The following PHTF1 variants were observed in gnomAD, a reference collection of about 807,000 sequenced individuals.
PHTF1 encodes protein PHTF1.
A neutral mutation model predicts 102.4 loss-of-function variants in PHTF1; 88 were observed. The observed-to-expected ratio is 0.86, with a 90% confidence interval of 0.72 to 1.03. The LOEUF is 1.03. PHTF1 is among the 50% of genes least tolerant of loss of function. The pLI, the probability that PHTF1 is intolerant of heterozygous loss-of-function variation, is 0.00. For synonymous variants in PHTF1, 289 were observed against 305.2 expected (o/e 0.95, Z 0.55); for missense variants, 814 against 909.5 (o/e 0.89, Z 1.35).
At chr1:113,733,197 C>A (rs1028414906) in intron 5 of PHTF1, among the ~76,000 whole-genome samples, 1 of 151,460 alleles carries the variant, frequency 6.6e-6, no homozygotes, top group Middle Eastern at 3.4e-3. Context: ...CCACTGCCCC[C>A]CACCTAGATA....
chr1:113,744,167 C>A (rs151155248), intron 3 of PHTF1, among the ~76,000 whole-genome samples: 37 of 152,304 alleles, frequency 2.4e-4, no homozygotes, highest in African/African-American at 8.4e-4. Context: ...TCTGGAAATT[C>A]TCTGCAGATC....
chr1:113,715,648 CAAAAAAAAAAAAAAAAA>C lies in PHTF1; in HGVS notation c.624-2227_624-2211del, dbSNP rs60517410. On this transcript the variant is annotated intron_variant, in intron 7 of 18. Transcript: ENST00000369604. ...GAGCAATGACAGTGAAACCCTGTCT[CAAAAAAAAAAAAAAAAA>C]AAAAAAAAAAAAAAAGCTATTTTGA... is the stretch of plus-strand genomic sequence containing the variant. 9.2e-3 allele frequency among the ~76,000 whole-genome samples: 229 copies of C among 24,994 alleles called. 5 individuals are homozygous for C. Among genetic ancestry groups the C allele is most frequent in the African/African-American group, 0.023 (210 of 8,974 alleles). The allele number at this position is 24,994 out of a possible 152,430, so 16.4% of individuals were successfully genotyped here.
chr1:113,739,574 T>C (rs183537518), intron 3 of PHTF1, among the ~76,000 whole-genome samples: 2 of 152,384 alleles, frequency 1.3e-5, no homozygotes, highest in African/African-American at 4.8e-5. Flanking sequence ...ATCATTTCTT[T>C]GTGTTGGGTT....
intron 3 of PHTF1, among the ~76,000 whole-genome samples, chr1:113,747,596 T>C (rs758319089): frequency 6.6e-6 from 1 of 152,238 alleles, no homozygotes; most frequent in Non-Finnish European, 1.5e-5. Context: ...GGCTTATTCA[T>C]GGATTATAAT....
At chr1:113,754,154 T>C (rs1409828173) in intron 3 of PHTF1, among the ~76,000 whole-genome samples, 2 of 152,196 alleles carry the variant, frequency 1.3e-5, no homozygotes, top group Admixed American at 6.5e-5. Flanking sequence ...CTCATGCCTA[T>C]AATCTCGGCA....
At chr1:113,712,655 A>C (rs1651311456) in intron 8 of PHTF1, among the ~76,000 whole-genome samples, 1 of 152,222 alleles carries the variant, frequency 6.6e-6, no homozygotes, top group Admixed American at 6.5e-5. Flanking sequence ...TGTCTACTTA[A>C]ACCTACAAAA....
intron 3 of PHTF1, among the ~76,000 whole-genome samples, chr1:113,741,268 C>G (rs1380048415): frequency 6.6e-6 from 1 of 151,850 alleles, no homozygotes; most frequent in Admixed American, 6.6e-5. Flanking sequence ...GTAGATTTTA[C>G]AGAAAAATGT....
Position 113,698,539 on chromosome 1 carries a change from G to A in PHTF1, c.2143-152C>T, listed in dbSNP as rs994614900. 6 of 595,808 alleles carry A rather than the reference G, an allele frequency of 1.0e-5. No individual in the cohort carries two copies. In the African/African-American group the frequency reaches 1.2e-4, roughly 11 times the overall value. 36.9% of individuals were successfully genotyped at this position (595,808 alleles called of 1,614,324 possible). On this transcript the variant is annotated intron_variant, in intron 17 of 18. Coordinates refer to ENST00000369604, the MANE Select transcript of PHTF1 (RefSeq NM_001323043.2). ...GCTACCTTCAAAAAATCCATAACGT[G>A]TTCTCACCTACTTTTCTACTAACTA...
chr1:113,713,384 T>G lies in PHTF1; in HGVS notation c.678A>C (p.Pro226=), dbSNP rs1489787568. 3 of 1,599,378 alleles carry G rather than the reference T, an allele frequency of 1.9e-6. No individual in the cohort carries two copies. Among genetic ancestry groups the G allele is most frequent in the Non-Finnish European group, 1.7e-6 (2 of 1,166,630 alleles). ...TCTTAATGATAGGATGGACACAACTTGGGTCATTGTCAGTTTCAGTCCCTT... is the reference window on the plus strand; with the variant it reads ...TCTTAATGATAGGATGGACACAACTGGGGTCATTGTCAGTTTCAGTCCCTT... ...SNKGTETDND[P]SCVHPIIKRR... The change falls in exon 8 of 19, where the codon CCA becomes CCC. Residue 226 remains proline, a synonymous_variant. Coordinates refer to ENST00000369604, the MANE Select transcript of PHTF1 (RefSeq NM_001323043.2).
At chr1:113,758,543 A>C (rs1467112898) in intron 2 of PHTF1, 116 bp downstream of exon 2, 22 of 447,898 alleles carry the variant, frequency 4.9e-5, no homozygotes, top group South Asian at 1.2e-4. Flanking sequence ...TTTATGTTGA[A>C]GTATACATGA....
At chr1:113,713,539 A>T in intron 7 of PHTF1, 101 bp from the exon 8 acceptor site, 1 of 670,792 alleles carries the variant, frequency 1.5e-6, no homozygotes, top group East Asian at 2.8e-5. Flanking sequence ...CTGGAAATCA[A>T]GAAAATGCAG....
chr1:113,713,244 A>G (rs774352883), intron 8 of PHTF1, 35 bp downstream of exon 8: 16 of 1,581,618 alleles, frequency 1.0e-5, no homozygotes, highest in South Asian at 3.4e-5. Context: ...TTACATGGGG[A>G]AAAAAACCCC....
In PHTF1 at chr1:113,706,613, C is replaced by T. The variant is rs748469606; in HGVS notation, c.1379G>A (p.Ser460Asn). ...TCTTACCCTGCTCATGATGATGCCACTTATTTCCAACACAGACATATCCAT... is the reference window on the plus strand; with the variant it reads ...TCTTACCCTGCTCATGATGATGCCATTTATTTCCAACACAGACATATCCAT... ...KKMDMSVLEI[S>N]GIIMSRVNAY... Residue 460 changes from serine to asparagine, a missense_variant, in exon 12 of 19, where the codon AGT becomes AAT. Physicochemically the swap from Ser to Asn is conservative, Grantham distance 46. Transcript: ENST00000369604. 11 of 1,610,196 alleles carry T rather than the reference C, an allele frequency of 6.8e-6. No individual in the cohort carries two copies. Among genetic ancestry groups the T allele is most frequent in the Non-Finnish European group, 3.4e-6 (4 of 1,178,998 alleles).
chr1:113,758,322 A>G (rs2101756342), intron 2 of PHTF1, among the ~76,000 whole-genome samples: 1 of 152,054 alleles, frequency 6.6e-6, no homozygotes, highest in Non-Finnish European at 1.5e-5. Flanking sequence ...ACAGCTCAAT[A>G]AGATTGTTGA....
intron 5 of PHTF1, among the ~76,000 whole-genome samples, chr1:113,731,638 A>G (rs1462682435): frequency 6.6e-6 from 1 of 152,156 alleles, no homozygotes; most frequent in Non-Finnish European, 1.5e-5. Context: ...TCACACCTGT[A>G]ATCCCAGCAC....
chr1:113,754,711 T>C (rs1658586771), intron 3 of PHTF1, among the ~76,000 whole-genome samples: 1 of 152,198 alleles, frequency 6.6e-6, no homozygotes, highest in Admixed American at 6.5e-5. Flanking sequence ...GATTTTATTA[T>C]AATGTCTATA....
intron 11 of PHTF1, among the ~76,000 whole-genome samples, chr1:113,707,112 A>G (rs185834656): frequency 3.2e-4 from 48 of 151,694 alleles, no homozygotes; most frequent in Non-Finnish European, 6.8e-4. Flanking sequence ...CCCTCTCTAA[A>G]GGTATGGAAG....
At chr1:113,704,566 C>G in intron 14 of PHTF1, 100 bp downstream of exon 14, 1 of 797,324 alleles carries the variant, frequency 1.3e-6, no homozygotes, top group Admixed American at 2.7e-5. Flanking sequence ...CTATAATCTG[C>G]CTGACACCCA....
At chr1:113,735,187 G>A (rs983884378) in intron 5 of PHTF1, among the ~76,000 whole-genome samples, 5 of 151,882 alleles carry the variant, frequency 3.3e-5, no homozygotes, top group African/African-American at 9.7e-5. Flanking sequence ...ACAACACAGT[G>A]AAACCCTGTC....
Sources: gnomAD v4.1 joint callset for allele counts (sites outside exome capture counted in the v4.1 genomes callset) on GRCh38, gnomAD v4.1.1 for gene constraint, MANE v1.5 for transcripts, NCBI Gene and HGNC (gene_info 2026-07-23, HGNC 2026-07-21) for gene names.